Variants in FAM171A2 observed in about 807,000 individuals in gnomAD.
The protein encoded by FAM171A2 is family with sequence similarity 171 member A2.
In FAM171A2, 13 loss-of-function variants were observed where a neutral mutation model predicts 34.2. That is an observed-to-expected ratio of 0.38 (90% CI 0.25 to 0.60). The LOEUF (loss-of-function observed/expected upper bound fraction) is 0.60, where lower values mean the gene tolerates loss of function less well. FAM171A2 is among the 20% of genes least tolerant of loss of function. The pLI is 0.62. For synonymous variants in FAM171A2, 475 were observed against 561.2 expected (o/e 0.85, Z 2.17); for missense variants, 950 against 1,180.7 (o/e 0.80, Z 2.86).
intron 1 of FAM171A2, 96 bp downstream of exon 1, chr17:44,363,501 C>T: frequency 2.0e-6 from 1 of 500,876 alleles, no homozygotes; most frequent in Non-Finnish European, 3.1e-6. Context: ...CAGAATACCA[C>T]TCAATTCACG....
Position 44,355,667 on chromosome 17 carries a change from A to C in FAM171A2, c.1022+48T>G, listed in dbSNP as rs2048419318. On this transcript the variant is annotated intron_variant, in intron 7 of 7. Transcript: ENST00000293443. This position sits in a 1 kb window ranked among gnomAD's most constrained non-coding sequence, Gnocchi z 4.1. Reference sequence around the variant, plus strand: ...GGATTTTATGCATCTTTGGGGCCCCAGGGCCCGGTACAAGTGCAGGGGAGG... The same window carrying C: ...GGATTTTATGCATCTTTGGGGCCCCCGGGCCCGGTACAAGTGCAGGGGAGG... The C allele has an allele frequency of 6.5e-7, 1 of 1,548,298 alleles. No homozygotes were observed. Among genetic ancestry groups the C allele is most frequent in the Non-Finnish European group, 8.7e-7 (1 of 1,145,126 alleles).
chr17:44,354,207 A>G lies in FAM171A2; in HGVS notation c.2007T>C (p.Ser669=), dbSNP rs1182308982. The change falls in exon 8 of 8, where the codon TCT becomes TCC. Residue 669 remains serine, a synonymous_variant. Transcript: ENST00000293443. The surrounding 1 kb of genome is among the most constrained non-coding windows in gnomAD (Gnocchi z 5.8). The stretch of plus-strand genomic sequence containing the variant: ...CGCCGCCCGCCTGCAGGTCGATGTA[A>G]GAGTGGCGCACTTGCGAGTTGGAGC... ...DGRSNSQVRH[S]YIDLQAGGGA... is the part of the protein sequence containing the mutation. 5 of 1,421,808 alleles carry G rather than the reference A, an allele frequency of 3.5e-6. No individual in the cohort carries two copies. In the Admixed American group the frequency reaches 1.3e-4, roughly 37 times the overall value. 88.1% of individuals were successfully genotyped at this position (1,421,808 alleles called of 1,614,324 possible). A position where few individuals can be genotyped will look rare whatever the true frequency, so the allele number is the denominator to read the frequency against.
chr17:44,355,262 G>T lies in FAM171A2; in HGVS notation c.1023-71C>A, dbSNP rs985670101. The T allele has an allele frequency of 1.3e-6, 2 of 1,519,898 alleles. No homozygotes were observed. Among genetic ancestry groups the T allele is most frequent in the Non-Finnish European group, 1.8e-6 (2 of 1,136,348 alleles). The allele number at this position is 1,519,898 out of a possible 1,614,324, so 94.2% of individuals were successfully genotyped here. On this transcript the variant is annotated intron_variant, in intron 7 of 7. Coordinates refer to ENST00000293443, the MANE Select transcript of FAM171A2 (RefSeq NM_198475.3). The surrounding 1 kb of genome is among the most constrained non-coding windows in gnomAD (Gnocchi z 4.1). ...CCAAAGTAGGCCCCGAACCCCCTTA[G>T]ATGCAAGACAAGAGACGAATATAGT... is the stretch of plus-strand genomic sequence containing the variant.
Position 44,361,691 on chromosome 17 carries a change from C to T in FAM171A2, c.119-1559G>A, listed in dbSNP as rs150766148. Among the ~76,000 whole-genome samples, 463 of 152,300 alleles carry T rather than the reference C, an allele frequency of 3.0e-3. 4 individuals are homozygous for T. Among genetic ancestry groups the T allele is most frequent in the Non-Finnish European group, 5.7e-3 (387 of 68,020 alleles). Reference sequence around the variant, plus strand: ...TCTGCTCCTCCAGGAAGCTGGCACCCCTTTACTGTTTTTTTGCACATTTGA... The same window carrying T: ...TCTGCTCCTCCAGGAAGCTGGCACCTCTTTACTGTTTTTTTGCACATTTGA... On this transcript the variant is annotated intron_variant, in intron 1 of 7. Coordinates refer to ENST00000293443, the MANE Select transcript of FAM171A2 (RefSeq NM_198475.3).
In FAM171A2 at chr17:44,363,754, C is replaced by CCTGGTCCCG. The variant is rs1300518179; in HGVS notation, c.-49_-41dup. 6 of 1,002,126 alleles carry CCTGGTCCCG rather than the reference C, an allele frequency of 6.0e-6. No homozygotes were observed. The East Asian group carries it at 2.2e-4, about 37-fold the overall frequency. 62.1% of individuals were successfully genotyped at this position (1,002,126 alleles called of 1,614,324 possible). ...GGGCCCTAGCGGTCCATGGCTCCCG[C>CCTGGTCCCG]CTGGTCCCGCTCGCCCGGCCCCGCG... On this transcript the variant is annotated 5_prime_UTR_variant, in exon 1 of 8. Coordinates refer to ENST00000293443, the MANE Select transcript of FAM171A2 (RefSeq NM_198475.3).
In FAM171A2 at chr17:44,355,664, C is replaced by G; in HGVS notation, c.1022+51G>C. The G allele has an allele frequency of 1.3e-6, 2 of 1,548,106 alleles. No homozygotes were observed. The highest frequency in any genetic ancestry group is 3.9e-5 in the Admixed American group (2 of 50,842). ...AGTGGATTTTATGCATCTTTGGGGC[C>G]CCAGGGCCCGGTACAAGTGCAGGGG... On this transcript the variant is annotated intron_variant, in intron 7 of 7. Transcript: ENST00000293443. The surrounding 1 kb of genome is among the most constrained non-coding windows in gnomAD (Gnocchi z 4.1).
rs1319859761 is a variant in FAM171A2, at chr17:44,353,619, C to T, written c.*114G>A. ...ACGGAACAGCTCCAAGGCCCCTGGG[C>T]CCCTCTCCGGCCTGGGGCTGGGAGC... On this transcript the variant is annotated 3_prime_UTR_variant, in exon 8 of 8. Transcript: ENST00000293443. The T allele has an allele frequency of 5.0e-6, 4 of 801,712 alleles. No individual in the cohort carries two copies. The highest frequency in any genetic ancestry group is 6.5e-6 in the Non-Finnish European group (4 of 613,364). 49.7% of individuals were successfully genotyped at this position (801,712 alleles called of 1,614,324 possible). A position where few individuals can be genotyped will look rare whatever the true frequency, so the allele number is the denominator to read the frequency against.
rs2048413774 is a variant in FAM171A2, at chr17:44,354,868, C to T, written c.1346G>A (p.Gly449Asp). Residue 449 changes from glycine to aspartate, a missense_variant, in exon 8 of 8, where the codon GGC (glycine) becomes GAC (aspartate). Physicochemically the swap from Gly to Asp is moderately conservative, Grantham distance 94. Transcript: ENST00000293443. This position sits in a 1 kb window ranked among gnomAD's most constrained non-coding sequence, Gnocchi z 5.8. ...AGLKGARSAEGPGGLEPGLEE... is the reference protein window; with the variant it reads ...AGLKGARSAEDPGGLEPGLEE... Reference sequence around the variant, plus strand: ...TAGGCCGGGCTCCAGCCCGCCGGGGCCCTCGGCCGAGCGAGCGCCCTTGAG... The same window carrying T: ...TAGGCCGGGCTCCAGCCCGCCGGGGTCCTCGGCCGAGCGAGCGCCCTTGAG... 4 of 1,297,828 alleles carry T rather than the reference C, an allele frequency of 3.1e-6. No individual in the cohort carries two copies. Among genetic ancestry groups the T allele is most frequent in the Non-Finnish European group, 3.9e-6 (4 of 1,026,566 alleles). The allele number at this position is 1,297,828 out of a possible 1,614,324, so 80.4% of individuals were successfully genotyped here.
In FAM171A2 at chr17:44,353,620, C is replaced by G. The variant is rs939752417; in HGVS notation, c.*113G>C. 2 of 807,186 alleles carry G rather than the reference C, an allele frequency of 2.5e-6. 1 individual carries two copies. Among genetic ancestry groups the G allele is most frequent in the South Asian group, 1.2e-4 (2 of 16,724 alleles). 50.0% of individuals were successfully genotyped at this position (807,186 alleles called of 1,614,324 possible). ...CGGAACAGCTCCAAGGCCCCTGGGC[C>G]CCTCTCCGGCCTGGGGCTGGGAGCT... On this transcript the variant is annotated 3_prime_UTR_variant, in exon 8 of 8. Coordinates refer to ENST00000293443, the MANE Select transcript of FAM171A2 (RefSeq NM_198475.3).
chr17:44,353,730 G>A lies in FAM171A2; in HGVS notation c.*3C>T. 2.1e-6 allele frequency: 3 copies of A among 1,396,844 alleles called. No individual in the cohort carries two copies. 86.5% of individuals were successfully genotyped at this position (1,396,844 alleles called of 1,614,324 possible). On this transcript the variant is annotated 3_prime_UTR_variant, in exon 8 of 8. Transcript: ENST00000293443. ...AGGGGCGGTGCCAGGCCCTGCGCGG[G>A]CGCTACTTGACGTTGAACACCATCA...
chr17:44,355,413 G>A lies in FAM171A2; in HGVS notation c.1023-222C>T, dbSNP rs148365596. On this transcript the variant is annotated intron_variant, in intron 7 of 7. Coordinates refer to ENST00000293443, the MANE Select transcript of FAM171A2 (RefSeq NM_198475.3). This position sits in a 1 kb window ranked among gnomAD's most constrained non-coding sequence, Gnocchi z 4.1. ...ATGTAGGATGTGCTGCGAGAACCAG[G>A]GATGAGCATCTAAGCTGTCTATGGG... Among the ~76,000 whole-genome samples, 307 of 152,356 alleles carry A rather than the reference G, an allele frequency of 2.0e-3. No individual in the cohort carries two copies. The highest frequency in any genetic ancestry group is 7.2e-3 in the African/African-American group (301 of 41,586).
In FAM171A2 at chr17:44,353,876, T is replaced by G; in HGVS notation, c.2338A>C (p.Ser780Arg). 1 of 1,348,546 alleles carries G rather than the reference T, an allele frequency of 7.4e-7. No homozygotes were observed. The highest frequency in any genetic ancestry group is 9.5e-7 in the Non-Finnish European group (1 of 1,050,640). 83.5% of individuals were successfully genotyped at this position (1,348,546 alleles called of 1,614,324 possible). Residue 780 changes from serine (S) to arginine (R), a missense_variant, in exon 8 of 8, where the codon AGC becomes CGC. Physicochemically the swap from Ser to Arg is moderately radical, Grantham distance 110. Around this residue, in one of 3 missense-constraint regions of FAM171A2, gnomAD observed 191 missense variants for 222.8 expected, o/e 0.86. Transcript: ENST00000293443. Reference sequence around the variant, plus strand: ...TCGCGCCGCAGCTCGCTGGCGCTGCTGCGGGAGCTGTCCCCGCGGCTGCGG... The same window carrying G: ...TCGCGCCGCAGCTCGCTGGCGCTGCGGCGGGAGCTGTCCCCGCGGCTGCGG... ...RGRSRGDSSRSSASELRRDSL... is the reference protein window; with the variant it reads ...RGRSRGDSSRRSASELRRDSL...
intron 1 of FAM171A2, among the ~76,000 whole-genome samples, chr17:44,362,511 G>T (rs1598370976): frequency 1.3e-5 from 2 of 152,342 alleles, no homozygotes; most frequent in East Asian, 1.9e-4. Flanking sequence ...AGTGTGGGGG[G>T]TGAGGAGTGA....
chr17:44,360,076 C>T lies in FAM171A2; in HGVS notation c.175G>A (p.Ala59Thr), dbSNP rs1465577445. 6.4e-7 allele frequency: 1 copy of T among 1,551,730 alleles called. No homozygotes were observed. The highest frequency in any genetic ancestry group is 1.2e-5 in the South Asian group (1 of 84,064). Residue 59 changes from alanine (A) to threonine (T), a missense_variant, in exon 2 of 8, where the codon GCC becomes ACC. Transcript: ENST00000293443. The stretch of plus-strand genomic sequence containing the variant: ...CGGTTCCCAAACACATCCACTGAGG[C>T]CCGGGCCAGGGGCACCAGCTCCCCG... Reference protein sequence around the residue: ...VSGELVPLARASVDVFGNRTL... With the variant: ...VSGELVPLARTSVDVFGNRTL...
chr17:44,356,659 TTATC>T (rs2048425581), intron 3 of FAM171A2, 71 bp from the exon 4 acceptor site: 1 of 1,444,466 alleles, frequency 6.9e-7, no homozygotes, highest in East Asian at 2.5e-5. Flanking sequence ...CAGAAACCCA[TTATC>T]TAAGGAAAAG....
In FAM171A2 at chr17:44,354,532, T is replaced by C; in HGVS notation, c.1682A>G (p.Glu561Gly). 1.7e-6 allele frequency: 2 copies of C among 1,171,096 alleles called. No homozygotes were observed. Among genetic ancestry groups the C allele is most frequent in the Non-Finnish European group, 2.1e-6 (2 of 949,024 alleles). 72.5% of individuals were successfully genotyped at this position (1,171,096 alleles called of 1,614,324 possible). A position where few individuals can be genotyped will look rare whatever the true frequency, so the allele number is the denominator to read the frequency against. Residue 561 changes from glutamate (E) to glycine (G), a missense_variant, in exon 8 of 8, where the codon GAG becomes GGG. Glu to Gly is a moderately conservative substitution (Grantham distance 98). Coordinates refer to ENST00000293443, the MANE Select transcript of FAM171A2 (RefSeq NM_198475.3). The surrounding 1 kb of genome is among the most constrained non-coding windows in gnomAD (Gnocchi z 5.8). ...GEAGAAGVGDEPAPPEGTAPG... is the reference protein window; with the variant it reads ...GEAGAAGVGDGPAPPEGTAPG... ...TGCCGTGCCCTCCGGCGGGGCCGGC[T>C]CGTCGCCCACGCCGGCGGCGCCCGC...
At chr17:44,363,503 C>T in intron 1 of FAM171A2, 94 bp downstream of exon 1, 1 of 508,086 alleles carries the variant, frequency 2.0e-6, no homozygotes, top group East Asian at 3.8e-5. Flanking sequence ...GAATACCACT[C>T]AATTCACGAA....
Position 44,354,930 on chromosome 17 carries a change from G to A in FAM171A2, c.1284C>T (p.Ala428=). Residue 428 remains alanine, a synonymous_variant, in exon 8 of 8, where the codon GCC becomes GCT. Transcript: ENST00000293443. The surrounding 1 kb of genome is among the most constrained non-coding windows in gnomAD (Gnocchi z 5.8). ...CGCCCCCGCGGGCACCCGAAGGCTCGGCGGCCGGGCGGCTGGCAGAGCGCG... is the reference window on the plus strand; with the variant it reads ...CGCCCCCGCGGGCACCCGAAGGCTCAGCGGCCGGGCGGCTGGCAGAGCGCG... The part of the protein sequence containing the change: ...TKPRSASRPA[A]EPSGARGGES... 1 of 1,419,764 alleles carries A rather than the reference G, an allele frequency of 7.0e-7. No individual in the cohort carries two copies. The highest frequency in any genetic ancestry group is 9.2e-7 in the Non-Finnish European group (1 of 1,090,294). The allele number at this position is 1,419,764 out of a possible 1,614,324, so 87.9% of individuals were successfully genotyped here.
At chr17:44,362,083 G>A (rs2048450143) in intron 1 of FAM171A2, among the ~76,000 whole-genome samples, 1 of 150,868 alleles carries the variant, frequency 6.6e-6, no homozygotes, top group Non-Finnish European at 1.5e-5. Flanking sequence ...AAGGATCTGT[G>A]CCAACCTTGC....
Sources: allele counts gnomAD v4.1 joint callset (sites outside exome capture counted in the v4.1 genomes callset), GRCh38; gene constraint gnomAD v4.1.1; regional missense constraint gnomAD v4.1.1; non-coding constraint Gnocchi (gnomAD v3.1); transcripts MANE v1.5; gene names NCBI Gene and HGNC (gene_info 2026-07-23, HGNC 2026-07-21).